CDH23: variants seen among roughly 807,000 people sequenced by gnomAD.
CDH23 encodes the protein cadherin related 23.
A neutral mutation model predicts 317.1 loss-of-function variants in CDH23; 189 were observed. The ratio of observed to expected loss-of-function variants is 0.60; its 90% CI spans 0.53 to 0.67. The LOEUF (loss-of-function observed/expected upper bound fraction) is 0.67, where lower values mean the gene tolerates loss of function less well. CDH23 is among the 30% of genes least tolerant of loss of function. CDH23 has a pLI of 0.00. For missense variants in CDH23, 4,401 were observed against 4,592.4 expected (o/e 0.96, Z 1.20); for synonymous variants, 1,839 against 1,876.8 (o/e 0.98, Z 0.52).
intron 6 of CDH23, among the ~76,000 whole-genome samples, chr10:71,524,257 G>A (rs774471088): frequency 6.6e-6 from 1 of 152,226 alleles, no homozygotes. Flanking sequence ...CTGGCGCACG[G>A]TGGGGACTCA....
chr10:71,730,455 C>T lies in CDH23; in HGVS notation c.3580-14C>T, dbSNP rs758285115. The T allele has an allele frequency of 2.6e-5, 42 of 1,612,802 alleles. No homozygotes were observed. Among genetic ancestry groups the T allele is most frequent in the Non-Finnish European group, 3.5e-5 (41 of 1,179,646 alleles). On this transcript the variant is annotated splice_polypyrimidine_tract_variant and intron_variant, in intron 30 of 69. Transcript: ENST00000224721. ...CCCCACCCTGACCTTGCACCCCTGG[C>T]CCGGCTCCCACAGGTGATTGTGTAC... is the stretch of plus-strand genomic sequence containing the variant.
intron 49 of CDH23, 107 bp downstream of exon 49, chr10:71,797,327 C>T (rs1464849172): frequency 1.3e-6 from 1 of 746,352 alleles, no homozygotes; most frequent in Non-Finnish European, 2.3e-6. Flanking sequence ...GCAACAAGAC[C>T]CAGTTGCTCT....
chr10:71,454,660 C>A (rs898698845), intron 3 of CDH23, among the ~76,000 whole-genome samples: 1 of 152,082 alleles, frequency 6.6e-6, no homozygotes, highest in Non-Finnish European at 1.5e-5. Context: ...TGACTGTCTG[C>A]CCCTCCCAGC....
intron 6 of CDH23, among the ~76,000 whole-genome samples, chr10:71,513,015 C>T (rs1229363833): frequency 6.6e-6 from 1 of 152,180 alleles, no homozygotes; most frequent in Non-Finnish European, 1.5e-5. Flanking sequence ...CTCTCTGTGC[C>T]ATGGCCCTCC....
intron 2 of CDH23, among the ~76,000 whole-genome samples, chr10:71,441,133 C>T (rs1040230196): frequency 6.6e-6 from 1 of 152,184 alleles, no homozygotes; most frequent in Non-Finnish European, 1.5e-5. Context: ...ACTCCCAGCT[C>T]ATTTTACAGA....
In CDH23 at chr10:71,785,748, G is replaced by A. The variant is rs2132940646; in HGVS notation, c.5820+10G>A. On this transcript the variant is annotated intron_variant, in intron 44 of 69. Coordinates refer to ENST00000224721, the MANE Select transcript of CDH23 (RefSeq NM_022124.6). ...ACGCATAGCCAGGAGGGTGAGACTG[G>A]AGGGCACTGGTGGGAGTGGGCTGGG... 1 of 1,542,166 alleles carries A rather than the reference G, an allele frequency of 6.5e-7. No homozygotes were observed. The highest frequency in any genetic ancestry group is 8.9e-7 in the Non-Finnish European group (1 of 1,123,632).
At chr10:71,436,904 C>T (rs1849647727) in intron 1 of CDH23, among the ~76,000 whole-genome samples, 1 of 152,228 alleles carries the variant, frequency 6.6e-6, no homozygotes, top group Admixed American at 6.5e-5. Flanking sequence ...TGCCCAATGC[C>T]TCGGTTTCTC....
chr10:71,468,142 C>T (rs1245449120), intron 3 of CDH23, among the ~76,000 whole-genome samples: 1 of 152,226 alleles, frequency 6.6e-6, no homozygotes, highest in Non-Finnish European at 1.5e-5. Flanking sequence ...GTCCCCAGTT[C>T]CTCTAGCTCT....
chr10:71,495,021 G>A (rs1852880854), intron 3 of CDH23, among the ~76,000 whole-genome samples: 1 of 152,140 alleles, frequency 6.6e-6, no homozygotes, highest in South Asian at 2.1e-4. Flanking sequence ...CGGAGGGTGG[G>A]AACCACCACG....
intron 38 of CDH23, chr10:71,748,435 G>C (rs1245552477): frequency 1.3e-5 from 2 of 152,398 alleles, no homozygotes; most frequent in East Asian, 3.9e-4. Flanking sequence ...AGGGAGTGCT[G>C]AGCAGTCCCC....
chr10:71,593,683 C>T (rs1859649932), intron 9 of CDH23, among the ~76,000 whole-genome samples: 1 of 152,156 alleles, frequency 6.6e-6, no homozygotes, highest in Non-Finnish European at 1.5e-5. Context: ...CTGGTGGACA[C>T]ATGTAAAGAT....
intron 20 of CDH23, among the ~76,000 whole-genome samples, chr10:71,693,571 A>G (rs186085028): frequency 2.4e-4 from 36 of 152,338 alleles, no homozygotes; most frequent in Admixed American, 9.8e-4. Flanking sequence ...GCATGTGAAC[A>G]CCCGGTGTTT....
intron 14 of CDH23, among the ~76,000 whole-genome samples, chr10:71,667,359 A>AGAGTGTGTGTGTGTGT (rs58361666): frequency 1.8e-5 from 2 of 112,116 alleles, no homozygotes; most frequent in Middle Eastern, 4.3e-3. Context: ...AGAGAGAGAG[A>AGAGTGTGTGTGTGTGT]GTGTGTGTGT....
At chr10:71,662,488 T>C (rs1257039724) in intron 14 of CDH23, among the ~76,000 whole-genome samples, 5 of 152,118 alleles carry the variant, frequency 3.3e-5, no homozygotes, top group Admixed American at 3.3e-4. Flanking sequence ...TGACTTGTGG[T>C]GGGGACACTG....
At chr10:71,615,656 A>G (rs981563534) in intron 10 of CDH23, 40 bp downstream of exon 10, 10 of 1,422,906 alleles carry the variant, frequency 7.0e-6, no homozygotes, top group Non-Finnish European at 8.9e-6. Flanking sequence ...GGTAGAGGAG[A>G]TGCCCCTACT....
intron 8 of CDH23, among the ~76,000 whole-genome samples, chr10:71,576,099 C>A (rs551973175): frequency 6.6e-6 from 1 of 152,342 alleles, no homozygotes; most frequent in South Asian, 2.1e-4. Flanking sequence ...CAGCCCCATG[C>A]AGGAGCCCAG....
intron 44 of CDH23, among the ~76,000 whole-genome samples, chr10:71,786,465 G>A (rs1841108126): frequency 6.7e-6 from 1 of 150,212 alleles, no homozygotes; most frequent in Admixed American, 6.6e-5. Flanking sequence ...CCCCTCCCAT[G>A]TGGTGCTCCT....
chr10:71,764,955 G>A (rs1428800915), intron 38 of CDH23, among the ~76,000 whole-genome samples: 1 of 152,230 alleles, frequency 6.6e-6, no homozygotes, highest in Non-Finnish European at 1.5e-5. Context: ...GGAGCCCCAG[G>A]AAGCTTGGCT....
chr10:71,790,260 T>C (rs760500087), intron 45 of CDH23, 28 bp from the exon 46 acceptor site: 5 of 1,612,546 alleles, frequency 3.1e-6, no homozygotes, highest in Non-Finnish European at 4.2e-6. Flanking sequence ...GGGTTGGTCT[T>C]GTGGTGACCC....
Sources: allele counts gnomAD v4.1 joint callset (sites outside exome capture counted in the v4.1 genomes callset), GRCh38; gene constraint gnomAD v4.1.1; transcripts MANE v1.5; gene names NCBI Gene and HGNC (gene_info 2026-07-23, HGNC 2026-07-21).